Variants in GAB1 observed in about 807,000 individuals in gnomAD.
GAB1 encodes the protein GRB2 associated binding protein 1, also known as GRB2-associated-binding protein 1.
GAB1 carries 19 observed loss-of-function variants against 66.5 expected under a neutral mutation model. That is an observed-to-expected ratio of 0.29 (90% confidence interval 0.20 to 0.42). The LOEUF is 0.42. Among genes scored for constraint, GAB1 ranks in the 10% least tolerant of loss-of-function variants. GAB1 has a pLI of 1.00. For synonymous variants in GAB1, 294 were observed against 301.4 expected (o/e 0.98, Z 0.25); for missense variants, 732 against 858.5 (o/e 0.85, Z 1.84).
intron 1 of GAB1, among the ~76,000 whole-genome samples, chr4:143,378,998 T>A (rs1730541540): frequency 6.6e-6 from 1 of 151,918 alleles, no homozygotes; most frequent in Non-Finnish European, 1.5e-5. Flanking sequence ...AGGAACTAGA[T>A]GTGATAGGGG....
In GAB1 at chr4:143,471,697, G is replaced by T. The variant is rs1410782455; in HGVS notation, c.*2508G>T. 5 of 151,986 alleles carry T rather than the reference G, an allele frequency of 3.3e-5. No individual in the cohort carries two copies. The highest frequency in any genetic ancestry group is 7.4e-5 in the Non-Finnish European group (5 of 68,000). The allele number at this position is 151,986 out of a possible 1,614,324, so 9.4% of individuals were successfully genotyped here. ...CACACAAATGTAAGCAAAAATAATA[G>T]GTTTTAAACATACATCTCAGGAAAT... On this transcript the variant is annotated 3_prime_UTR_variant, in exon 10 of 10. Transcript: ENST00000262994.
Position 143,399,709 on chromosome 4 carries a change from T to A in GAB1, c.73-15768T>A, listed in dbSNP as rs142112709. ...TTCTTATAAGGGCACTCAAAGTGAT[T>A]TTTAGCAGTCTTATTTTTACATTTA... is the stretch of plus-strand genomic sequence containing the variant. On this transcript the variant is annotated intron_variant, in intron 1 of 9. Transcript: ENST00000262994. Among the ~76,000 whole-genome samples, 37 of 152,342 alleles carry A rather than the reference T, an allele frequency of 2.4e-4. No homozygotes were observed. The East Asian group carries it at 6.7e-3, about 28-fold the overall frequency.
chr4:143,450,898 A>C (rs1734892829), intron 6 of GAB1, among the ~76,000 whole-genome samples: 1 of 152,182 alleles, frequency 6.6e-6, no homozygotes, highest in Admixed American at 6.5e-5. Context: ...CTCAAAAAAA[A>C]AAAACAAAAA....
chr4:143,396,571 A>C (rs1731466215), intron 1 of GAB1, among the ~76,000 whole-genome samples: 1 of 152,266 alleles, frequency 6.6e-6, no homozygotes, highest in East Asian at 1.9e-4. Context: ...ATAAAGCAGG[A>C]AAGTGAGATG....
chr4:143,433,850 C>A, intron 3 of GAB1, 134 bp downstream of exon 3: 1 of 711,608 alleles, frequency 1.4e-6, no homozygotes, highest in Non-Finnish European at 2.4e-6. Flanking sequence ...GCATATGTTT[C>A]AGGCTTTATA....
chr4:143,418,094 G>A (rs190847780), intron 2 of GAB1, among the ~76,000 whole-genome samples: 52 of 152,302 alleles, frequency 3.4e-4, no homozygotes, highest in African/African-American at 1.2e-3. Flanking sequence ...CAGTGGGGTC[G>A]GGGAAACCCC....
chr4:143,366,718 G>T (rs1482951333), intron 1 of GAB1, among the ~76,000 whole-genome samples: 1 of 151,986 alleles, frequency 6.6e-6, no homozygotes, highest in African/African-American at 2.4e-5. Context: ...ATCCAAAATG[G>T]ACTACACTAA....
Position 143,337,199 on chromosome 4 carries a change from G to C in GAB1, c.11G>C (p.Gly4Ala), listed in dbSNP as rs1196729426. 2 of 1,582,518 alleles carry C rather than the reference G, an allele frequency of 1.3e-6. No homozygotes were observed. The highest frequency in any genetic ancestry group is 2.7e-5 in the African/African-American group (2 of 74,660). ...CGAGACGCGCGCACCATGAGCGGTG[G>C]TGAAGTGGTCTGCTCCGGATGGCTC... MSG[G>A]EVVCSGWLRK... The change falls in exon 1 of 10, where the codon GGT becomes GCT. Residue 4 changes from glycine (G) to alanine (A), a missense_variant. Around this residue, in one of 4 missense-constraint regions of GAB1, gnomAD observed 35 missense variants for 30.8 expected, o/e 1.13. Coordinates refer to ENST00000262994, the MANE Select transcript of GAB1 (RefSeq NM_002039.4).
intron 8 of GAB1, among the ~76,000 whole-genome samples, chr4:143,463,952 C>T (rs1240365268): frequency 6.6e-6 from 1 of 152,138 alleles, no homozygotes; most frequent in African/African-American, 2.4e-5. Context: ...CAAATTTATG[C>T]ATTTCTTTTA....
At chr4:143,402,692 C>T (rs57086877) in intron 1 of GAB1, among the ~76,000 whole-genome samples, 1 of 152,152 alleles carries the variant, frequency 6.6e-6, no homozygotes, top group African/African-American at 2.4e-5. Context: ...TCACCTTTCC[C>T]TGTTCTACCC....
At chr4:143,340,608 A>G (rs1011637058) in intron 1 of GAB1, among the ~76,000 whole-genome samples, 2 of 151,988 alleles carry the variant, frequency 1.3e-5, no homozygotes, top group African/African-American at 2.4e-5. Context: ...CCTCCCAGAT[A>G]CAAGCAGTTC....
chr4:143,448,085 A>T (rs1198509384), intron 6 of GAB1, among the ~76,000 whole-genome samples: 2 of 151,894 alleles, frequency 1.3e-5, no homozygotes, highest in East Asian at 3.8e-4. Flanking sequence ...TATATGCTGG[A>T]TTACATTTAT....
At chr4:143,457,148 C>G (rs1735232013) in intron 6 of GAB1, among the ~76,000 whole-genome samples, 1 of 152,136 alleles carries the variant, frequency 6.6e-6, no homozygotes, top group South Asian at 2.1e-4. Context: ...CTAGAAGAGT[C>G]TTGTTCAGGA....
intron 1 of GAB1, among the ~76,000 whole-genome samples, chr4:143,351,276 G>A (rs1729207148): frequency 6.6e-6 from 1 of 152,196 alleles, no homozygotes; most frequent in East Asian, 1.9e-4. Flanking sequence ...GTTTTATTGA[G>A]TAGAAGTAGC....
At position 143,473,238 on chromosome 4, in the gene GAB1, T is replaced by C. The variant is rs182264968; in HGVS notation, c.*4049T>C. ...AAATTTATTTCTCCCCTCTTGTTCATCATCTTTTGTAAAGGTCCCATTGTA... is the reference window on the plus strand; with the variant it reads ...AAATTTATTTCTCCCCTCTTGTTCACCATCTTTTGTAAAGGTCCCATTGTA... On this transcript the variant is annotated 3_prime_UTR_variant, in exon 10 of 10. Transcript: ENST00000262994. 2 of 152,368 alleles carry C rather than the reference T, an allele frequency of 1.3e-5. No individual in the cohort carries two copies. The highest frequency in any genetic ancestry group is 4.8e-5 in the African/African-American group (2 of 41,586). 9.4% of individuals were successfully genotyped at this position (152,368 alleles called of 1,614,324 possible).
chr4:143,341,397 G>GT (rs1189139832), intron 1 of GAB1, among the ~76,000 whole-genome samples: 1 of 152,210 alleles, frequency 6.6e-6, no homozygotes, highest in African/African-American at 2.4e-5. Flanking sequence ...TGTAAATAAA[G>GT]TATTGTTTCA....
chr4:143,467,065 T>C (rs1735830746), intron 9 of GAB1, among the ~76,000 whole-genome samples: 1 of 152,208 alleles, frequency 6.6e-6, no homozygotes, highest in Admixed American at 6.5e-5. Context: ...GTGCCTTTAG[T>C]GGAGGTCATT....
intron 8 of GAB1, among the ~76,000 whole-genome samples, chr4:143,460,913 A>G (rs1735460675): frequency 6.6e-6 from 1 of 152,210 alleles, no homozygotes; most frequent in African/African-American, 2.4e-5. Flanking sequence ...GCAGCATTTT[A>G]TGATGCAATT....
chr4:143,350,777 T>C (rs912807050), intron 1 of GAB1, among the ~76,000 whole-genome samples: 1 of 152,050 alleles, frequency 6.6e-6, no homozygotes, highest in Non-Finnish European at 1.5e-5. Flanking sequence ...TAAAAATATG[T>C]ATTTAGGAGC....
Sources: gnomAD v4.1 joint callset for allele counts (sites outside exome capture counted in the v4.1 genomes callset) on GRCh38, gnomAD v4.1.1 for gene constraint, gnomAD v4.1.1 regional missense constraint, MANE v1.5 for transcripts, NCBI Gene and HGNC (gene_info 2026-07-23, HGNC 2026-07-21) for gene names.